The following GLIS3 variants were observed in gnomAD, a reference collection of about 807,000 sequenced individuals.
The protein encoded by GLIS3 is GLIS family zinc finger 3.
Under a neutral mutation model 78.6 loss-of-function variants are expected in GLIS3, and 53 were observed. That is an observed-to-expected ratio of 0.67 (90% CI 0.54 to 0.85). The LOEUF (loss-of-function observed/expected upper bound fraction) is 0.85, where lower values mean the gene tolerates loss of function less well. GLIS3 is among the 40% of genes least tolerant of loss of function. The pLI is 0.00. For missense variants in GLIS3, 1,703 were observed against 1,231.1 expected, an observed-to-expected ratio of 1.38 and a Z score of -5.74; for synonymous variants, 684 against 509.9, an observed-to-expected ratio of 1.34 and a Z score of -4.60.
chr9:3,990,799 A>C (rs886616809), intron 4 of GLIS3, among the ~76,000 whole-genome samples: 13 of 152,192 alleles, frequency 8.5e-5, no homozygotes, highest in African/African-American at 1.4e-4. Context: ...AAAAATGTTA[A>C]ATTTTCTACA....
At chr9:4,076,944 A>T (rs956654939) in intron 4 of GLIS3, among the ~76,000 whole-genome samples, 7 of 152,142 alleles carry the variant, frequency 4.6e-5, no homozygotes, top group African/African-American at 1.7e-4. Context: ...CTGTAGTCCT[A>T]GCTACTTGGG....
At chr9:4,040,710 G>C (rs1287893826) in intron 4 of GLIS3, among the ~76,000 whole-genome samples, 1 of 152,164 alleles carries the variant, frequency 6.6e-6, no homozygotes, top group Non-Finnish European at 1.5e-5. Flanking sequence ...AAAAGATGGA[G>C]AAAAGGAGAA....
chr9:3,828,783 CAGAG>C (rs1052626380), intron 10 of GLIS3, among the ~76,000 whole-genome samples: 25 of 152,212 alleles, frequency 1.6e-4, no homozygotes, highest in South Asian at 1.0e-3. Context: ...AGAGCAAAGA[CAGAG>C]AGGGAGAGGC....
the GLIS3 span, among the ~76,000 whole-genome samples, chr9:4,394,545 T>C: frequency 7.8e-3 from 1,186 of 152,210 alleles, 9 homozygotes; most frequent in Non-Finnish European, 0.013. Flanking sequence ...ATGCTGTGTA[T>C]TGTTGAGTGG....
At chr9:4,384,587 T>C in the GLIS3 span, among the ~76,000 whole-genome samples, 8 of 150,250 alleles carry the variant, frequency 5.3e-5, no homozygotes, top group African/African-American at 1.7e-4. Flanking sequence ...ATAATATATA[T>C]GTATATATAT....
intron 2 of GLIS3, among the ~76,000 whole-genome samples, chr9:4,219,466 C>T (rs779728261): frequency 1.3e-5 from 2 of 152,164 alleles, no homozygotes; most frequent in African/African-American, 4.8e-5. Flanking sequence ...TCACTGTTTC[C>T]TATGCACATC....
At chr9:4,222,398 T>C (rs944923273) in intron 2 of GLIS3, among the ~76,000 whole-genome samples, 4 of 152,232 alleles carry the variant, frequency 2.6e-5, no homozygotes, top group Admixed American at 6.5e-5. Flanking sequence ...TGCTGATTCA[T>C]CTTAGGACCT....
At chr9:4,421,983 C>T in the GLIS3 span, among the ~76,000 whole-genome samples, 2 of 152,126 alleles carry the variant, frequency 1.3e-5, no homozygotes, top group Non-Finnish European at 2.9e-5. Flanking sequence ...TGAATGCAGG[C>T]AACAAACCAC....
At chr9:4,422,107 A>C in the GLIS3 span, among the ~76,000 whole-genome samples, 2 of 152,246 alleles carry the variant, frequency 1.3e-5, no homozygotes, top group Non-Finnish European at 1.5e-5. Flanking sequence ...TCACCGCTCA[A>C]GAATTATGGT....
chr9:4,220,135 A>C (rs191160557), intron 2 of GLIS3, among the ~76,000 whole-genome samples: 5 of 152,352 alleles, frequency 3.3e-5, no homozygotes, highest in Admixed American at 3.3e-4. Context: ...CAAAATAACT[A>C]TTGATAACAA....
At chr9:4,273,986 T>A (rs1184627105) in intron 2 of GLIS3, among the ~76,000 whole-genome samples, 1 of 152,210 alleles carries the variant, frequency 6.6e-6, no homozygotes, top group Non-Finnish European at 1.5e-5. Flanking sequence ...AAAGAGCATG[T>A]CCTTGCATAG....
chr9:3,979,321 T>C (rs1819047060), intron 4 of GLIS3, among the ~76,000 whole-genome samples: 1 of 152,226 alleles, frequency 6.6e-6, no homozygotes, highest in Non-Finnish European at 1.5e-5. Context: ...TCTCCCTCAC[T>C]GTTCTGGTCA....
At chr9:4,423,696 C>A in the GLIS3 span, among the ~76,000 whole-genome samples, 1 of 152,134 alleles carries the variant, frequency 6.6e-6, no homozygotes, top group Non-Finnish European at 1.5e-5. Context: ...TAAGTTATTG[C>A]ACAAATGCCA....
Position 3,898,653 on chromosome 9 carries a change from A to G in GLIS3, c.2128+38T>C, listed in dbSNP as rs1823049952. On this transcript the variant is annotated intron_variant, in intron 7 of 10. Coordinates refer to ENST00000381971, the MANE Select transcript of GLIS3 (RefSeq NM_001042413.2). ...TTAACCAGAGTAAAAGGCCTAAAAAAGGGTAGTTGTGGTTGGCTCTGCCTT... is the reference window on the plus strand; with the variant it reads ...TTAACCAGAGTAAAAGGCCTAAAAAGGGGTAGTTGTGGTTGGCTCTGCCTT... 3.7e-6 allele frequency: 6 copies of G among 1,613,614 alleles called. No individual in the cohort carries two copies. In the South Asian group the frequency reaches 4.4e-5, roughly 12 times the overall value.
At chr9:4,308,952 T>A (rs1181803842) in exon 4 of GLIS3, 1 of 152,254 alleles carries the variant, frequency 6.6e-6, no homozygotes, top group East Asian at 1.9e-4. Context: ...TTAAGCTCTT[T>A]GTGCCTGTCT....
chr9:4,164,467 A>C (rs1352600707), intron 2 of GLIS3, among the ~76,000 whole-genome samples: 1 of 152,164 alleles, frequency 6.6e-6, no homozygotes, highest in Admixed American at 6.5e-5. Context: ...GGGTCCATCC[A>C]CCCTCCAGAG....
intron 4 of GLIS3, chr9:4,305,664 G>A (rs576563253): frequency 6.6e-6 from 1 of 152,308 alleles, no homozygotes; most frequent in Admixed American, 6.5e-5. Context: ...AATGAGATGT[G>A]AACAGGAAAG....
intron 4 of GLIS3, among the ~76,000 whole-genome samples, chr9:4,090,582 C>A (rs148915878): frequency 6.6e-6 from 1 of 152,150 alleles, no homozygotes; most frequent in African/African-American, 2.4e-5. Context: ...GTCCAAGACA[C>A]AGAATCCCAA....
intron 3 of GLIS3, among the ~76,000 whole-genome samples, chr9:4,122,247 G>T (rs972184539): frequency 6.6e-6 from 1 of 152,172 alleles, no homozygotes; most frequent in Admixed American, 6.5e-5. Flanking sequence ...ACATCACATG[G>T]AGAATTCCTC....
Sources: gnomAD v4.1 joint callset for allele counts (sites outside exome capture counted in the v4.1 genomes callset) on GRCh38, gnomAD v4.1.1 for gene constraint, MANE v1.5 for transcripts, NCBI Gene and HGNC (gene_info 2026-07-23, HGNC 2026-07-21) for gene names.